Variants in SLAMF6 observed in about 807,000 individuals in gnomAD.
SLAMF6 encodes the protein NK-T-B-antigen.
SLAMF6 carries 21 observed loss-of-function variants against 38.3 expected under a neutral mutation model. The observed-to-expected ratio is 0.55, with a 90% CI of 0.39 to 0.79. The LOEUF is 0.79. Ranked by LOEUF, SLAMF6 falls within the 30% of genes least tolerant of loss-of-function variation. SLAMF6 has a pLI of 0.00. For synonymous variants in SLAMF6, 152 were observed against 146.3 expected (o/e 1.04, Z -0.28); for missense variants, 341 against 385.3 (o/e 0.89, Z 0.96).
chr1:160,497,399 C>G (rs1448366498), intron 1 of SLAMF6, among the ~76,000 whole-genome samples: 2 of 152,194 alleles, frequency 1.3e-5, no homozygotes, highest in African/African-American at 4.8e-5. Context: ...TGTCAGTACT[C>G]AGCACCATGT....
At chr1:160,499,364 G>T (rs1653761512) in intron 1 of SLAMF6, among the ~76,000 whole-genome samples, 1 of 152,152 alleles carries the variant, frequency 6.6e-6, no homozygotes, top group Non-Finnish European at 1.5e-5. Flanking sequence ...AAATCAGATG[G>T]TTGTAAGGGT....
intron 1 of SLAMF6, among the ~76,000 whole-genome samples, chr1:160,500,791 T>C (rs1653844282): frequency 6.6e-6 from 1 of 152,116 alleles, no homozygotes; most frequent in Non-Finnish European, 1.5e-5. Flanking sequence ...ATCCCTTCTC[T>C]TGGAGGTTTT....
At chr1:160,519,411 C>T (rs1654888186) in intron 1 of SLAMF6, among the ~76,000 whole-genome samples, 1 of 152,086 alleles carries the variant, frequency 6.6e-6, no homozygotes, top group Admixed American at 6.5e-5. Context: ...TTGGCAATTT[C>T]CCAAAAAGTT....
chr1:160,486,505 C>T lies in SLAMF6; in HGVS notation c.*202G>A. On this transcript the variant is annotated 3_prime_UTR_variant, in exon 8 of 8. Transcript: ENST00000368057. ...GTGGATTGGAAAATATTATTTGAAC[C>T]ACATGCTGGAAATGATGTTATCCTT... 2 of 546,906 alleles carry T rather than the reference C, an allele frequency of 3.7e-6. No homozygotes were observed. Among genetic ancestry groups the T allele is most frequent in the Non-Finnish European group, 6.5e-6 (2 of 307,288 alleles). 33.9% of individuals were successfully genotyped at this position (546,906 alleles called of 1,614,324 possible).
chr1:160,512,121 G>T (rs1654501352), intron 1 of SLAMF6, among the ~76,000 whole-genome samples: 1 of 152,214 alleles, frequency 6.6e-6, no homozygotes, highest in African/African-American at 2.4e-5. Context: ...AGTTCTTGGG[G>T]GAAGGGGCAG....
At position 160,490,323 on chromosome 1, in the gene SLAMF6, G is replaced by C. The variant is rs1006137792; in HGVS notation, c.758-87C>G. On this transcript the variant is annotated intron_variant, in intron 4 of 7. Coordinates refer to ENST00000368057, the MANE Select transcript of SLAMF6 (RefSeq NM_001184714.2). ...AACCCCGTGAGTGTTGGGATGTGGTGGGAGGGGACCCAAAAGGAAGGGCAA... is the reference window on the plus strand; with the variant it reads ...AACCCCGTGAGTGTTGGGATGTGGTCGGAGGGGACCCAAAAGGAAGGGCAA... 83 of 1,596,028 alleles carry C rather than the reference G, an allele frequency of 5.2e-5. No individual in the cohort carries two copies. The African/African-American group carries it at 1.0e-3, about 20-fold the overall frequency.
intron 5 of SLAMF6, among the ~76,000 whole-genome samples, chr1:160,489,846 G>A (rs1653184825): frequency 2.0e-5 from 3 of 152,186 alleles, no homozygotes; most frequent in Non-Finnish European, 4.4e-5. Context: ...TAATGATGCA[G>A]TCAGACAGTT....
At chr1:160,488,988 C>G in intron 6 of SLAMF6, 100 bp downstream of exon 6, 1 of 1,098,846 alleles carries the variant, frequency 9.1e-7, no homozygotes, top group South Asian at 1.3e-5. Context: ...CTTCTCCTCC[C>G]CTCAGTGGTC....
At chr1:160,492,967 C>G (rs1653382624) in intron 2 of SLAMF6, among the ~76,000 whole-genome samples, 1 of 151,908 alleles carries the variant, frequency 6.6e-6, no homozygotes, top group African/African-American at 2.4e-5. Context: ...CCTAATTGGC[C>G]CATTGGCTTC....
At chr1:160,507,991 G>A (rs562137921) in intron 1 of SLAMF6, among the ~76,000 whole-genome samples, 1 of 152,144 alleles carries the variant, frequency 6.6e-6, no homozygotes, top group South Asian at 2.1e-4. Flanking sequence ...ACAAACCACT[G>A]CTCAACAAAA....
intron 1 of SLAMF6, among the ~76,000 whole-genome samples, chr1:160,504,369 G>A (rs889062747): frequency 3.9e-5 from 6 of 152,066 alleles, no homozygotes; most frequent in Admixed American, 2.6e-4. Context: ...AAAATGTCAT[G>A]TTGTACAGCT....
rs566269413 is a variant in SLAMF6, at chr1:160,502,687, G to A, written c.50-6294C>T. ...TCTTAGGAAAGAGAGGAGAGAGGTA[G>A]AACTAAGCAGATTCTGAAAAAGAGA... On this transcript the variant is annotated intron_variant, in intron 1 of 7. Transcript: ENST00000368057. 2.0e-5 allele frequency among the ~76,000 whole-genome samples: 3 copies of A among 152,248 alleles called. 1 individual carries two copies. The South Asian group carries it at 6.2e-4, about 32-fold the overall frequency.
intron 1 of SLAMF6, among the ~76,000 whole-genome samples, chr1:160,510,746 G>A (rs1654431307): frequency 6.6e-6 from 1 of 151,998 alleles, no homozygotes; most frequent in Non-Finnish European, 1.5e-5. Flanking sequence ...GAGCAATTAG[G>A]CAAGAAAAAT....
intron 2 of SLAMF6, among the ~76,000 whole-genome samples, chr1:160,493,916 C>T (rs1571286560): frequency 6.6e-6 from 1 of 152,060 alleles, no homozygotes; most frequent in Non-Finnish European, 1.5e-5. Flanking sequence ...TGAGAGCTCA[C>T]TATCATGAGA....
chr1:160,507,951 G>T (rs1654274328), intron 1 of SLAMF6, among the ~76,000 whole-genome samples: 1 of 152,054 alleles, frequency 6.6e-6, no homozygotes, highest in Non-Finnish European at 1.5e-5. Context: ...CAACTTAAAA[G>T]GGATGTGAAG....
In SLAMF6 at chr1:160,513,387, G is replaced by A. The variant is rs562922185; in HGVS notation, c.49+9757C>T. Among the ~76,000 whole-genome samples the A allele has an allele frequency of 3.9e-5, 6 of 152,274 alleles. No homozygotes were observed. The South Asian group carries it at 8.3e-4, about 21-fold the overall frequency. ...ATGTAAAGAGACCGAACCTACAACTGATTATGGTACCTGAAAGAGACAGGT... is the reference window on the plus strand; with the variant it reads ...ATGTAAAGAGACCGAACCTACAACTAATTATGGTACCTGAAAGAGACAGGT... On this transcript the variant is annotated intron_variant, in intron 1 of 7. Transcript: ENST00000368057.
At chr1:160,507,506 T>C (rs1451185683) in intron 1 of SLAMF6, among the ~76,000 whole-genome samples, 3 of 152,030 alleles carry the variant, frequency 2.0e-5, no homozygotes, top group Non-Finnish European at 2.9e-5. Context: ...AATAAGGAAA[T>C]AGAGGACTTG....
intron 1 of SLAMF6, among the ~76,000 whole-genome samples, chr1:160,520,814 T>C (rs367849078): frequency 2.0e-4 from 30 of 152,272 alleles, no homozygotes; most frequent in Non-Finnish European, 2.5e-4. Flanking sequence ...AAAGATTAAT[T>C]TCATTTGCCC....
intron 1 of SLAMF6, among the ~76,000 whole-genome samples, chr1:160,514,988 C>A (rs764502838): frequency 4.6e-5 from 7 of 151,922 alleles, no homozygotes; most frequent in Non-Finnish European, 7.4e-5. Flanking sequence ...TGGCAGAAGA[C>A]AAGAAATAAC....
Sources: allele counts gnomAD v4.1 joint callset (sites outside exome capture counted in the v4.1 genomes callset), GRCh38; gene constraint gnomAD v4.1.1; transcripts MANE v1.5; gene names NCBI Gene and HGNC (gene_info 2026-07-23, HGNC 2026-07-21).